Variants in NLGN4Y observed in about 807,000 individuals in gnomAD.
The protein encoded by NLGN4Y is neuroligin-4, Y-linked.
A neutral mutation model predicts 8.4 loss-of-function variants in NLGN4Y; 4 were observed. The observed-to-expected ratio is 0.48, with a 90% CI of 0.23 to 1.09. The LOEUF (loss-of-function observed/expected upper bound fraction) is 1.09. NLGN4Y is among the 50% of genes least tolerant of loss of function. The pLI is 0.19. For synonymous variants in NLGN4Y, 35 were observed against 75.6 expected (o/e 0.46, Z 2.78); for missense variants, 90 against 192.3 (o/e 0.47, Z 3.15).
At chrY:14,526,692 T>G (rs1057000022) in intron 1 of NLGN4Y, among the ~76,000 whole-genome samples, 13 of 32,904 alleles carry the variant, frequency 4.0e-4, no homozygotes, top group African/African-American at 1.3e-3. Context: ...TGAAAGAATT[T>G]TTCTTTTCTT....
chrY:14,796,530 G>A, intron 4 of NLGN4Y, among the ~76,000 whole-genome samples: 8 of 26,801 alleles, frequency 3.0e-4, no homozygotes, highest in Admixed American at 1.4e-3. Flanking sequence ...AGAGGGCGGA[G>A]CTTGCAGCGA....
intron 1 of NLGN4Y, among the ~76,000 whole-genome samples, chrY:14,558,824 G>A: frequency 3.0e-5 from 1 of 33,076 alleles, no homozygotes; most frequent in Non-Finnish European, 7.4e-5. Flanking sequence ...CAAGAGATCC[G>A]GAGAACATGT....
intron 1 of NLGN4Y, among the ~76,000 whole-genome samples, chrY:14,535,844 TG>T (rs2080130905): frequency 3.0e-5 from 1 of 33,499 alleles, no homozygotes; most frequent in Non-Finnish European, 7.4e-5. Context: ...AATTCACACA[TG>T]GCTTCACATA....
chrY:14,700,046 G>T (rs2080843849), intron 2 of NLGN4Y, among the ~76,000 whole-genome samples: 1 of 33,724 alleles, frequency 3.0e-5, no homozygotes, highest in Non-Finnish European at 7.4e-5. Flanking sequence ...TCATCAGGAT[G>T]TGTTTTTAAA....
At chrY:14,822,293 C>T (rs2043126135) in intron 4 of NLGN4Y, among the ~76,000 whole-genome samples, 1 of 33,654 alleles carries the variant, frequency 3.0e-5, no homozygotes, top group Non-Finnish European at 7.4e-5. Context: ...TTCTGAACCT[C>T]AAAGATCAAT....
chrY:14,619,939 T>A, intron 1 of NLGN4Y, among the ~76,000 whole-genome samples: 1 of 33,652 alleles, frequency 3.0e-5, no homozygotes, highest in Non-Finnish European at 7.3e-5. Context: ...ACCACATACT[T>A]CATATTCTCT....
At chrY:14,542,680 AC>A (rs2080153915) in intron 1 of NLGN4Y, among the ~76,000 whole-genome samples, 1 of 33,404 alleles carries the variant, frequency 3.0e-5, no homozygotes, top group African/African-American at 1.2e-4. Flanking sequence ...ACACATGCAC[AC>A]ATATATGTAT....
intron 4 of NLGN4Y, among the ~76,000 whole-genome samples, chrY:14,775,269 G>A: frequency 3.0e-5 from 1 of 33,000 alleles, no homozygotes; most frequent in East Asian, 7.9e-4. Flanking sequence ...ATAAAATGCA[G>A]GTTATTCTGG....
chrY:14,531,235 CATCTAT>C (rs2080113917), intron 1 of NLGN4Y, among the ~76,000 whole-genome samples: 2 of 33,118 alleles, frequency 6.0e-5, no homozygotes, highest in Non-Finnish European at 7.4e-5. Flanking sequence ...GAGCCTTCAT[CATCTAT>C]ATCTATATCT....
At chrY:14,696,001 C>T in intron 2 of NLGN4Y, among the ~76,000 whole-genome samples, 2 of 32,761 alleles carry the variant, frequency 6.1e-5, no homozygotes, top group African/African-American at 2.4e-4. Flanking sequence ...AGAGGTCCCC[C>T]AAGCAGCTTG....
At chrY:14,682,663 C>T in intron 2 of NLGN4Y, among the ~76,000 whole-genome samples, 1 of 33,163 alleles carries the variant, frequency 3.0e-5, no homozygotes, top group Admixed American at 2.8e-4. Context: ...TGAGATTAAT[C>T]AGACAAAGTT....
chrY:14,539,084 A>G (rs762095405), intron 1 of NLGN4Y, among the ~76,000 whole-genome samples: 1 of 34,171 alleles, frequency 2.9e-5, no homozygotes, highest in Admixed American at 2.6e-4. Flanking sequence ...TCAGCTTCAT[A>G]GAGACACAGA....
At chrY:14,748,616 C>A in intron 4 of NLGN4Y, 1 of 181,758 alleles carries the variant, frequency 5.5e-6, no homozygotes, top group South Asian at 3.8e-5. Flanking sequence ...CCATCTCATT[C>A]AGCACAAAAC....
intron 1 of NLGN4Y, among the ~76,000 whole-genome samples, chrY:14,585,092 G>A (rs894301024): frequency 3.0e-5 from 1 of 33,704 alleles, no homozygotes; most frequent in Non-Finnish European, 7.3e-5. Context: ...ACAATATTTT[G>A]GGGTATTTGT....
chrY:14,817,039 C>A (rs760404019), intron 4 of NLGN4Y, among the ~76,000 whole-genome samples: 1 of 33,508 alleles, frequency 3.0e-5, no homozygotes, highest in African/African-American at 1.2e-4. Flanking sequence ...AAGATGGCCA[C>A]CACTGCAACT....
intron 1 of NLGN4Y, among the ~76,000 whole-genome samples, chrY:14,572,576 G>A: frequency 1.2e-4 from 4 of 32,654 alleles, no homozygotes; most frequent in Non-Finnish European, 3.0e-4. Flanking sequence ...TTTCCTAATC[G>A]AATACCCTTT....
intron 1 of NLGN4Y, among the ~76,000 whole-genome samples, chrY:14,572,394 CTGTT>C (rs2080275706): frequency 3.4e-5 from 1 of 29,080 alleles, no homozygotes; most frequent in Non-Finnish European, 8.1e-5. Context: ...ATTTGGCTCT[CTGTT>C]TGTCTGTTAT....
intron 2 of NLGN4Y, among the ~76,000 whole-genome samples, chrY:14,657,691 G>A (rs773392423): frequency 1.5e-3 from 26 of 17,843 alleles, no homozygotes; most frequent in African/African-American, 8.5e-3. Context: ...TGCAGCCCAC[G>A]CTTAAGAAAT....
chrY:14,655,415 T>C (rs776700295), intron 2 of NLGN4Y, among the ~76,000 whole-genome samples: 5 of 31,654 alleles, frequency 1.6e-4, no homozygotes, highest in Non-Finnish European at 3.1e-4. Flanking sequence ...CCATCTTCCA[T>C]ACTTCAGCAT....
Sources: allele counts gnomAD v4.1 joint callset (sites outside exome capture counted in the v4.1 genomes callset), GRCh38; gene constraint gnomAD v4.1.1; transcripts MANE v1.5; gene names NCBI Gene and HGNC (gene_info 2026-07-23, HGNC 2026-07-21).